TEX101: variants seen among roughly 807,000 people sequenced by gnomAD.
TEX101 encodes the protein testis-expressed protein 101.
In TEX101, 10 loss-of-function variants were observed where a neutral mutation model predicts 18.1. The observed-to-expected ratio is 0.55, with a 90% CI of 0.34 to 0.94. The LOEUF is 0.94. Among genes scored for constraint, TEX101 ranks in the 40% least tolerant of loss-of-function variants. The pLI, the probability that TEX101 is intolerant of heterozygous loss-of-function variation, is 0.02. For synonymous variants in TEX101, 94 were observed against 114.8 expected (o/e 0.82, Z 1.16); for missense variants, 259 against 298.9 (o/e 0.87, Z 0.98).
At chr19:43,405,384 C>T (rs1970351407) in intron 2 of TEX101, among the ~76,000 whole-genome samples, 1 of 151,576 alleles carries the variant, frequency 6.6e-6, no homozygotes, top group African/African-American at 2.4e-5. Flanking sequence ...GCCTGGCCAA[C>T]ATAGTGAATA....
the TEX101 span, among the ~76,000 whole-genome samples, chr19:43,390,074 G>A: frequency 5.3e-5 from 8 of 152,188 alleles, no homozygotes; most frequent in South Asian, 2.1e-4. Flanking sequence ...GAGAGGCCTC[G>A]AAGGTTGGGT....
upstream of TEX101, among the ~76,000 whole-genome samples, chr19:43,399,420 G>C (rs564719511): frequency 1.8e-4 from 27 of 152,124 alleles, no homozygotes; most frequent in South Asian, 2.5e-3. Flanking sequence ...CAATGATGAT[G>C]ATCATTGCCT....
At chr19:43,411,100 A>AGAG (rs1289237522), upstream of TEX101, among the ~76,000 whole-genome samples, 2 of 152,132 alleles carry the variant, frequency 1.3e-5, no homozygotes, top group African/African-American at 4.8e-5. Flanking sequence ...TTTTTGAAAC[A>AGAG]GAGTCTTGCT....
chr19:43,390,644 G>A, the TEX101 span, among the ~76,000 whole-genome samples: 1 of 150,418 alleles, frequency 6.6e-6, no homozygotes, highest in Non-Finnish European at 1.5e-5. Context: ...ATTTTTTGTA[G>A]TTTTAGCAGA....
At chr19:43,412,280 G>C (rs1970426077), upstream of TEX101, among the ~76,000 whole-genome samples, 2 of 152,264 alleles carry the variant, frequency 1.3e-5, no homozygotes, top group South Asian at 4.1e-4. Context: ...GAGAGAGTAA[G>C]AAGGGGAGGT....
intron 5 of TEX101, 64 bp from the exon 6 acceptor site, chr19:43,418,104 G>C (rs1015936922): frequency 9.9e-6 from 16 of 1,610,484 alleles, no homozygotes; most frequent in Admixed American, 8.3e-5. Flanking sequence ...GATGAGGGGG[G>C]ACTGGATTCT....
At chr19:43,403,746 TATAG>T (rs1970337470) in intron 2 of TEX101, among the ~76,000 whole-genome samples, 1 of 151,918 alleles carries the variant, frequency 6.6e-6, no homozygotes, top group East Asian at 1.9e-4. Context: ...TATGAAATAT[TATAG>T]ATAGACATTT....
intron 1 of TEX101, among the ~76,000 whole-genome samples, chr19:43,415,254 G>A (rs899362619): frequency 6.6e-6 from 1 of 152,000 alleles, no homozygotes; most frequent in African/African-American, 2.4e-5. Context: ...CCGAGATTCT[G>A]GGTCCCTGAG....
chr19:43,408,529 G>A (rs11669917), intron 3 of TEX101, among the ~76,000 whole-genome samples: 3 of 152,098 alleles, frequency 2.0e-5, no homozygotes, highest in Admixed American at 6.5e-5. Flanking sequence ...GCGAGTTGGG[G>A]GTGGACAGGG....
the TEX101 span, among the ~76,000 whole-genome samples, chr19:43,393,107 A>AAGGAAGGAAGGAAGGAAG: frequency 0.11 from 8,114 of 77,118 alleles, 329 homozygotes; most frequent in East Asian, 0.15. Context: ...AAGGAAGGAA[A>AAGGAAGGAAGGAAGGAAG]GAAAGAAGGA....
chr19:43,392,055 G>C, the TEX101 span, among the ~76,000 whole-genome samples: 168 of 152,306 alleles, frequency 1.1e-3, no homozygotes, highest in African/African-American at 3.9e-3. Flanking sequence ...AAAACAGAGA[G>C]ACTGAGAAAC....
intron 3 of TEX101, among the ~76,000 whole-genome samples, chr19:43,409,548 G>T (rs1402159084): frequency 6.6e-6 from 1 of 151,682 alleles, no homozygotes; most frequent in African/African-American, 2.4e-5. Flanking sequence ...AAGCATTATT[G>T]AAAGTGTGAG....
At chr19:43,392,951 A>G in the TEX101 span, among the ~76,000 whole-genome samples, 18 of 152,052 alleles carry the variant, frequency 1.2e-4, no homozygotes, top group Admixed American at 1.2e-3. Context: ...CCAGTTACTC[A>G]GGAGGCTGAG....
intron 2 of TEX101, among the ~76,000 whole-genome samples, chr19:43,403,781 T>C (rs1206320900): frequency 6.6e-6 from 1 of 152,018 alleles, no homozygotes; most frequent in Non-Finnish European, 1.5e-5. Context: ...AATATAAAAA[T>C]CTGGCCCACA....
intron 1 of TEX101, 87 bp from the exon 2 acceptor site, chr19:43,415,794 C>A: frequency 1.7e-6 from 2 of 1,190,704 alleles, no homozygotes; most frequent in South Asian, 1.3e-5. Context: ...AACACCCCAC[C>A]CTGAAGTCAG....
At chr19:43,393,373 C>T in the TEX101 span, among the ~76,000 whole-genome samples, 1 of 152,208 alleles carries the variant, frequency 6.6e-6, no homozygotes, top group Non-Finnish European at 1.5e-5. Context: ...CCATCGTTTC[C>T]TGGCCTTCGT....
chr19:43,389,900 C>T, the TEX101 span, among the ~76,000 whole-genome samples: 80 of 152,302 alleles, frequency 5.3e-4, no homozygotes, highest in African/African-American at 1.9e-3. Flanking sequence ...TGAATGAATA[C>T]AGTTGTCTCC....
chr19:43,388,959 G>A, the TEX101 span, among the ~76,000 whole-genome samples: 1 of 151,982 alleles, frequency 6.6e-6, no homozygotes, highest in Non-Finnish European at 1.5e-5. Context: ...GCTCCCCGGG[G>A]TTCCTCCCGG....
chr19:43,407,352 G>A (rs1405681779), intron 3 of TEX101, among the ~76,000 whole-genome samples: 1 of 152,144 alleles, frequency 6.6e-6, no homozygotes, highest in Non-Finnish European at 1.5e-5. Context: ...GGGCGTGGTG[G>A]CGCATGCCTG....
Sources: gnomAD v4.1 joint callset for allele counts (sites outside exome capture counted in the v4.1 genomes callset) on GRCh38, gnomAD v4.1.1 for gene constraint, MANE v1.5 for transcripts, NCBI Gene and HGNC (gene_info 2026-07-23, HGNC 2026-07-21) for gene names.